The following SGCD variants were observed in gnomAD, a reference collection of about 807,000 sequenced individuals.
SGCD encodes delta-sarcoglycan.
Under a neutral mutation model 36.6 loss-of-function variants are expected in SGCD, and 18 were observed. The observed-to-expected ratio is 0.49, with a 90% confidence interval of 0.34 to 0.73. The LOEUF (loss-of-function observed/expected upper bound fraction) is 0.73, where lower values mean the gene tolerates loss of function less well. SGCD is among the 30% of genes least tolerant of loss of function. The pLI, the probability that SGCD is intolerant of heterozygous loss-of-function variation, is 0.01. For synonymous variants in SGCD, 133 were observed against 130.6 expected (o/e 1.02, Z -0.12); for missense variants, 387 against 346.7 (o/e 1.12, Z -0.92).
chr5:156,234,355 C>A (rs568223270), intron 3 of SGCD, among the ~76,000 whole-genome samples: 1 of 152,136 alleles, frequency 6.6e-6, no homozygotes, highest in East Asian at 1.9e-4. Context: ...CTTAACCCAG[C>A]AACTTTATAC....
intron 1 of SGCD, among the ~76,000 whole-genome samples, chr5:155,915,529 T>C (rs1382952508): frequency 1.3e-5 from 2 of 152,306 alleles, no homozygotes; most frequent in Admixed American, 1.3e-4. Flanking sequence ...AAAATCAAAA[T>C]TAATCAATGT....
At chr5:155,835,095 C>T in the SGCD span, among the ~76,000 whole-genome samples, 1 of 147,596 alleles carries the variant, frequency 6.8e-6, no homozygotes, top group Non-Finnish European at 1.5e-5. Flanking sequence ...GCAATCTCCG[C>T]CTCCCAGGTT....
intron 4 of SGCD, among the ~76,000 whole-genome samples, chr5:156,534,279 A>G (rs1231909863): frequency 6.6e-6 from 1 of 151,918 alleles, no homozygotes; most frequent in Admixed American, 6.6e-5. Flanking sequence ...TCAGCAATGT[A>G]CAAAAGTGGA....
chr5:156,224,883 C>G (rs769854555), intron 3 of SGCD, among the ~76,000 whole-genome samples: 16 of 152,056 alleles, frequency 1.1e-4, no homozygotes, highest in Non-Finnish European at 2.2e-4. Context: ...ACCTATTGTA[C>G]AAGATAAAGT....
chr5:156,118,264 C>T (rs1427643443), intron 2 of SGCD, among the ~76,000 whole-genome samples: 1 of 151,998 alleles, frequency 6.6e-6, no homozygotes, highest in Non-Finnish European at 1.5e-5. Flanking sequence ...TGCATGGAAG[C>T]TTATGGGGTG....
intron 3 of SGCD, among the ~76,000 whole-genome samples, chr5:156,455,205 T>C (rs780523416): frequency 1.3e-5 from 2 of 152,160 alleles, no homozygotes; most frequent in Non-Finnish European, 2.9e-5. Flanking sequence ...ATGATAGGAC[T>C]CATGGAGGAA....
At chr5:156,151,815 C>A (rs2127615119) in intron 3 of SGCD, among the ~76,000 whole-genome samples, 1 of 139,232 alleles carries the variant, frequency 7.2e-6, no homozygotes, top group African/African-American at 2.9e-5. Flanking sequence ...TACATGTTTA[C>A]ATCATTTCTT....
At chr5:156,076,185 T>C (rs926109147) in intron 1 of SGCD, among the ~76,000 whole-genome samples, 13 of 152,108 alleles carry the variant, frequency 8.5e-5, no homozygotes, top group Non-Finnish European at 1.6e-4. Flanking sequence ...TCTGTTTTGC[T>C]CTGGTTGCTT....
At chr5:156,458,427 A>G in intron 3 of SGCD, 3 of 1,608,362 alleles carry the variant, frequency 1.9e-6, no homozygotes, top group East Asian at 2.2e-5. Flanking sequence ...GTAGACACCA[A>G]TCTGAGGGTC....
chr5:156,703,992 G>T (rs1328229781), intron 7 of SGCD: 1 of 152,120 alleles, frequency 6.6e-6, no homozygotes, highest in African/African-American at 2.4e-5. Flanking sequence ...TGAGAACTCT[G>T]GTTGCAAGTG....
chr5:156,481,324 T>C (rs991764513), intron 3 of SGCD, among the ~76,000 whole-genome samples: 2 of 152,066 alleles, frequency 1.3e-5, no homozygotes, highest in Admixed American at 1.3e-4. Context: ...ATGGTAGGGG[T>C]CTGTGTCATT....
intron 3 of SGCD, among the ~76,000 whole-genome samples, chr5:156,231,915 T>G (rs1765030294): frequency 6.6e-6 from 1 of 152,216 alleles, no homozygotes; most frequent in Non-Finnish European, 1.5e-5. Flanking sequence ...TTGTGTCTGA[T>G]GTATTCCTGC....
At chr5:155,804,662 A>G in the SGCD span, among the ~76,000 whole-genome samples, 15 of 152,284 alleles carry the variant, frequency 9.9e-5, no homozygotes, top group African/African-American at 3.6e-4. Flanking sequence ...CCTCCAGTTT[A>G]TTCAGTACCC....
intron 1 of SGCD, among the ~76,000 whole-genome samples, chr5:155,900,512 G>A (rs975722712): frequency 2.0e-5 from 3 of 151,558 alleles, no homozygotes; most frequent in Non-Finnish European, 4.4e-5. Flanking sequence ...CCATGCTGGT[G>A]CGCTGCACCC....
At chr5:155,882,871 G>C (rs1374719723) in intron 1 of SGCD, among the ~76,000 whole-genome samples, 2 of 152,134 alleles carry the variant, frequency 1.3e-5, no homozygotes, top group Non-Finnish European at 1.5e-5. Flanking sequence ...TTTAAAGCCG[G>C]GCATTGACTT....
chr5:155,882,042 A>G (rs1027541264), intron 1 of SGCD, among the ~76,000 whole-genome samples: 1 of 152,036 alleles, frequency 6.6e-6, no homozygotes, highest in Non-Finnish European at 1.5e-5. Flanking sequence ...GTTAAAATCA[A>G]CTTCTTCCAA....
chr5:156,166,534 G>C lies in SGCD; in HGVS notation c.-44+42515G>C, dbSNP rs933991234. Among the ~76,000 whole-genome samples, 70 of 152,030 alleles carry C rather than the reference G, an allele frequency of 4.6e-4. 2 individuals carry two copies. The highest frequency in any genetic ancestry group is 6.5e-5 in the Admixed American group (1 of 15,270). On this transcript the variant is annotated intron_variant, in intron 3 of 9. Coordinates refer to the SGCD transcript ENST00000517913. ...ACAGGGTTTCACCGTGTTAGCCAGG[G>C]TGGTCTTGATCTCCTGACCTCGTGA...
chr5:156,096,969 A>G (rs1238190825), intron 1 of SGCD, among the ~76,000 whole-genome samples: 1 of 152,110 alleles, frequency 6.6e-6, no homozygotes, highest in East Asian at 1.9e-4. Flanking sequence ...TTTTTACCTG[A>G]TATAGAATTC....
intron 6 of SGCD, 126 bp downstream of exon 6, chr5:156,595,177 A>G (rs989739265): frequency 5.2e-6 from 6 of 1,145,186 alleles, no homozygotes; most frequent in South Asian, 1.6e-5. Flanking sequence ...AACTCCCAAG[A>G]TAATGGTATT....
Sources: allele counts gnomAD v4.1 joint callset (sites outside exome capture counted in the v4.1 genomes callset), GRCh38; gene constraint gnomAD v4.1.1; transcripts MANE v1.5; gene names NCBI Gene and HGNC (gene_info 2026-07-23, HGNC 2026-07-21).